The following APBA2 variants were observed in gnomAD, a reference collection of about 807,000 sequenced individuals.
The protein encoded by APBA2 is amyloid-beta A4 precursor protein-binding family A member 2.
In APBA2, 30 loss-of-function variants were observed where a neutral mutation model predicts 75.0. The ratio of observed to expected loss-of-function variants is 0.40; its 90% confidence interval spans 0.30 to 0.54. The LOEUF (loss-of-function observed/expected upper bound fraction) is 0.54, where lower values mean the gene tolerates loss of function less well. APBA2 is among the 20% of genes least tolerant of loss of function. APBA2 has a pLI of 0.49. For missense variants in APBA2, 801 were observed against 1,016.1 expected (o/e 0.79, Z 2.88); for synonymous variants, 444 against 409.6 (o/e 1.08, Z -1.01).
chr15:28,946,136 C>T (rs12324794), intron 2 of APBA2, among the ~76,000 whole-genome samples: 44,842 of 152,134 alleles, frequency 0.29, 10,758 homozygotes, highest in African/African-American at 0.64. Context: ...ATTTAAAGAG[C>T]GTTTGTCATT....
In APBA2 at chr15:28,910,162, A is replaced by G. The variant is rs530389170; in HGVS notation, c.-204-11478A>G. Among the ~76,000 whole-genome samples the G allele has an allele frequency of 1.1e-4, 16 of 152,308 alleles. No individual in the cohort carries two copies. The South Asian group carries it at 2.7e-3, about 26-fold the overall frequency. ...AGATTGGGGAATGTGATGTTTCATT[A>G]TAAGCACTTTCAGCATTTGCTTACT... On this transcript the variant is annotated intron_variant, in intron 1 of 14. Transcript: ENST00000683413.
intron 1 of APBA2, among the ~76,000 whole-genome samples, chr15:28,903,566 C>T (rs1159356005): frequency 6.6e-6 from 1 of 152,210 alleles, no homozygotes; most frequent in Non-Finnish European, 1.5e-5. Context: ...AAATATTGCC[C>T]AGGGAGGGCA....
chr15:29,025,551 C>T (rs557950529), intron 3 of APBA2, among the ~76,000 whole-genome samples: 3 of 152,038 alleles, frequency 2.0e-5, no homozygotes, highest in South Asian at 2.1e-4. Context: ...GGATTACAGG[C>T]GTGAGGCACT....
intron 2 of APBA2, among the ~76,000 whole-genome samples, chr15:28,924,408 A>C (rs1450594627): frequency 6.6e-6 from 1 of 152,164 alleles, no homozygotes; most frequent in African/African-American, 2.4e-5. Context: ...TCCATTAAGC[A>C]GTCACTCCCC....
At chr15:29,055,905 C>A (rs2041864018) in intron 4 of APBA2, among the ~76,000 whole-genome samples, 1 of 152,162 alleles carries the variant, frequency 6.6e-6, no homozygotes, top group South Asian at 2.1e-4. Context: ...CTGTGGGATG[C>A]ATAGGAGCTC....
intron 10 of APBA2, among the ~76,000 whole-genome samples, chr15:29,103,687 G>A (rs1203593113): frequency 2.6e-5 from 4 of 152,202 alleles, no homozygotes; most frequent in South Asian, 2.1e-4. Context: ...GCGGTGGCCC[G>A]AGGGAGCCCA....
intron 6 of APBA2, among the ~76,000 whole-genome samples, chr15:29,087,382 G>T (rs2043335265): frequency 6.6e-6 from 1 of 152,156 alleles, no homozygotes; most frequent in Non-Finnish European, 1.5e-5. Context: ...TTCCTTCCCT[G>T]ACTCTCTGTT....
intron 2 of APBA2, among the ~76,000 whole-genome samples, chr15:28,952,108 G>A (rs549895473): frequency 1.8e-4 from 27 of 152,060 alleles, no homozygotes; most frequent in African/African-American, 6.5e-4. Context: ...TGGCGGCGAA[G>A]CCCTGGACCT....
At chr15:28,895,257 C>T (rs908156841) in intron 1 of APBA2, among the ~76,000 whole-genome samples, 5 of 152,158 alleles carry the variant, frequency 3.3e-5, no homozygotes, top group African/African-American at 9.7e-5. Context: ...GTGTGGCCTC[C>T]CTGCTGCTGG....
chr15:28,907,484 T>C (rs972066935), intron 1 of APBA2, among the ~76,000 whole-genome samples: 4 of 152,218 alleles, frequency 2.6e-5, no homozygotes, highest in African/African-American at 9.7e-5. Flanking sequence ...ACTAGAATCA[T>C]CCTTTCAGCA....
At chr15:29,010,634 C>T (rs750757641) in intron 3 of APBA2, among the ~76,000 whole-genome samples, 57 of 152,268 alleles carry the variant, frequency 3.7e-4, no homozygotes, top group Admixed American at 7.8e-4. Flanking sequence ...CACTTTCTCA[C>T]GTTCAGTGGT....
At position 29,101,728 on chromosome 15, in the gene APBA2, G is replaced by A. The variant is rs750160692; in HGVS notation, c.1468G>A (p.Ala490Thr). The change falls in exon 10 of 15, where the codon GCC becomes ACC. Residue 490 changes from alanine to threonine, a missense_variant. By Grantham distance (58) the Ala-to-Thr change is moderately conservative. This residue lies in a region of APBA2 where 367 missense variants were observed against 544.5 expected (regional missense o/e 0.67). Coordinates refer to ENST00000683413, the MANE Select transcript of APBA2 (RefSeq NM_001353788.2). Reference sequence around the variant, plus strand: ...GGACTGCATCGAGACCACGCCCGGGGCCCAGGAAGGCAAGAAGCAGTATAA... The same window carrying A: ...GGACTGCATCGAGACCACGCCCGGGACCCAGGAAGGCAAGAAGCAGTATAA... Reference protein sequence around the residue: ...SQDCIETTPGAQEGKKQYKMI... With the variant: ...SQDCIETTPGTQEGKKQYKMI... 13 of 1,613,540 alleles carry A rather than the reference G, an allele frequency of 8.1e-6. No homozygotes were observed. The African/African-American group carries it at 9.3e-5, about 12-fold the overall frequency.
At chr15:28,945,782 G>A (rs12324678) in intron 2 of APBA2, among the ~76,000 whole-genome samples, 44,604 of 151,902 alleles carry the variant, frequency 0.29, 10,638 homozygotes, top group African/African-American at 0.64. Flanking sequence ...CCAAAGTGCT[G>A]GGATTACAGG....
chr15:29,035,947 C>T (rs972946767), intron 3 of APBA2, among the ~76,000 whole-genome samples: 1 of 152,166 alleles, frequency 6.6e-6, no homozygotes, highest in African/African-American at 2.4e-5. Context: ...CCCGGAGCGC[C>T]CCCCTACCTG....
intron 3 of APBA2, among the ~76,000 whole-genome samples, chr15:29,050,031 A>G (rs1323327010): frequency 6.6e-6 from 1 of 152,200 alleles, no homozygotes; most frequent in African/African-American, 2.4e-5. Context: ...CTCACATAAA[A>G]TTAATGAGAC....
At position 29,117,188 on chromosome 15, in the gene APBA2, G is replaced by A. The variant is rs2045239016; in HGVS notation, c.*55G>A. ...CACCGGGCAGGGCCGCCCGGGCCCA[G>A]AGGAGCTGGGAGCCGGGCCGCAGAC... On this transcript the variant is annotated 3_prime_UTR_variant, in exon 15 of 15. Transcript: ENST00000683413. 4.5e-6 allele frequency: 7 copies of A among 1,552,570 alleles called. No individual in the cohort carries two copies. Among genetic ancestry groups the A allele is most frequent in the Middle Eastern group, 1.8e-4 (1 of 5,594 alleles).
intron 3 of APBA2, among the ~76,000 whole-genome samples, chr15:29,020,592 G>T (rs1294741579): frequency 1.3e-5 from 2 of 152,030 alleles, no homozygotes; most frequent in Non-Finnish European, 2.9e-5. Flanking sequence ...GATCACCTGA[G>T]GTCAGGAGTT....
chr15:29,047,426 C>T (rs2041391122), intron 3 of APBA2, among the ~76,000 whole-genome samples: 2 of 152,212 alleles, frequency 1.3e-5, no homozygotes, highest in Admixed American at 6.5e-5. Context: ...CCTGAGGCAA[C>T]AGGAAAAATC....
intron 3 of APBA2, among the ~76,000 whole-genome samples, chr15:29,018,095 C>T (rs1392861555): frequency 1.3e-5 from 2 of 152,146 alleles, no homozygotes; most frequent in African/African-American, 4.8e-5. Context: ...TAAAAACTAC[C>T]TCTCCCGGGG....
Sources: gnomAD v4.1 joint callset for allele counts (sites outside exome capture counted in the v4.1 genomes callset) on GRCh38, gnomAD v4.1.1 for gene constraint, gnomAD v4.1.1 regional missense constraint, MANE v1.5 for transcripts, NCBI Gene and HGNC (gene_info 2026-07-23, HGNC 2026-07-21) for gene names.